Variants in DLG1 observed in about 807,000 individuals in gnomAD.
The protein encoded by DLG1 is discs large MAGUK scaffold protein 1.
DLG1 carries 42 observed loss-of-function variants against 123.4 expected under a neutral mutation model. The observed-to-expected ratio is 0.34, with a 90% CI of 0.27 to 0.44. DLG1 has a LOEUF of 0.44. DLG1 is among the 20% of genes least tolerant of loss of function. The pLI, the probability that DLG1 is intolerant of heterozygous loss-of-function variation, is 1.00. For synonymous variants in DLG1, 317 were observed against 356.2 expected, an observed-to-expected ratio of 0.89 and a Z score of 1.24; for missense variants, 942 against 1,082.6, an observed-to-expected ratio of 0.87 and a Z score of 1.82.
At chr3:197,057,709 TG>T (rs1430083002) in intron 23 of DLG1, among the ~76,000 whole-genome samples, 1 of 152,232 alleles carries the variant, frequency 6.6e-6, no homozygotes, top group Non-Finnish European at 1.5e-5. Context: ...TTTTGTGATG[TG>T]TCCAAGCCCT....
At chr3:197,162,456 A>G (rs1371059255) in intron 5 of DLG1, among the ~76,000 whole-genome samples, 1 of 152,188 alleles carries the variant, frequency 6.6e-6, no homozygotes. Flanking sequence ...AAACACTAAA[A>G]TCAAGCAGAT....
rs181966394 is a variant in DLG1 at position 197,071,655 on chromosome 3, A to C, written c.2006-2395T>G. Among the ~76,000 whole-genome samples the C allele has an allele frequency of 1.5e-3, 234 of 152,348 alleles. 1 individual carries two copies. The highest frequency in any genetic ancestry group is 2.7e-3 in the Non-Finnish European group (186 of 68,028). On this transcript the variant is annotated intron_variant, in intron 18 of 24. Coordinates refer to ENST00000667157, the MANE Select transcript of DLG1 (RefSeq NM_001366207.1). Reference sequence around the variant, plus strand: ...CCTCTTCAAAGCATTTTACCAAAGAAGACAGTCAAATAACCAATAAACATA... The same window carrying C: ...CCTCTTCAAAGCATTTTACCAAAGACGACAGTCAAATAACCAATAAACATA...
intron 13 of DLG1, among the ~76,000 whole-genome samples, chr3:197,113,711 A>G (rs964598106): frequency 6.6e-5 from 10 of 152,208 alleles, no homozygotes; most frequent in Non-Finnish European, 1.0e-4. Flanking sequence ...GTATCTTAAA[A>G]TCGTAGCTTT....
chr3:197,166,407 G>A (rs1801430154), intron 5 of DLG1, among the ~76,000 whole-genome samples: 1 of 152,054 alleles, frequency 6.6e-6, no homozygotes, highest in Non-Finnish European at 1.5e-5. Context: ...CACTAAAATT[G>A]GAGGTATTGG....
At chr3:197,150,911 A>G (rs1353086620) in intron 5 of DLG1, among the ~76,000 whole-genome samples, 1 of 152,102 alleles carries the variant, frequency 6.6e-6, no homozygotes, top group East Asian at 1.9e-4. Context: ...AAAAATGAGT[A>G]GCTAATACTT....
chr3:197,150,489 C>T (rs1793325254), intron 5 of DLG1, among the ~76,000 whole-genome samples: 1 of 151,958 alleles, frequency 6.6e-6, no homozygotes, highest in Non-Finnish European at 1.5e-5. Flanking sequence ...GAATAAAATG[C>T]AATAACAAAT....
At chr3:197,268,631 C>G (rs1055445614) in intron 4 of DLG1, among the ~76,000 whole-genome samples, 8 of 151,840 alleles carry the variant, frequency 5.3e-5, no homozygotes, top group Non-Finnish European at 8.8e-5. Context: ...GCTGCCCAGG[C>G]TGATCTATAC....
intron 4 of DLG1, among the ~76,000 whole-genome samples, chr3:197,228,519 CT>C (rs1741149815): frequency 6.6e-6 from 1 of 152,122 alleles, no homozygotes; most frequent in Non-Finnish European, 1.5e-5. Flanking sequence ...TGTTTCTTGT[CT>C]GTTTTTTTAG....
chr3:197,192,025 A>G (rs1458634555), intron 5 of DLG1, among the ~76,000 whole-genome samples: 1 of 152,006 alleles, frequency 6.6e-6, no homozygotes, highest in Non-Finnish European at 1.5e-5. Flanking sequence ...AACAAAAAAA[A>G]TAGCCAAGCA....
At chr3:197,123,126 C>T (rs553649930) in intron 11 of DLG1, among the ~76,000 whole-genome samples, 1 of 152,056 alleles carries the variant, frequency 6.6e-6, no homozygotes, top group Non-Finnish European at 1.5e-5. Flanking sequence ...ATTAAAAAAT[C>T]TCTCATTACA....
intron 18 of DLG1, among the ~76,000 whole-genome samples, chr3:197,074,214 G>A (rs945426413): frequency 1.3e-5 from 2 of 152,068 alleles, no homozygotes; most frequent in Admixed American, 1.3e-4. Flanking sequence ...TGATGATCAA[G>A]TTACCAGGTG....
chr3:197,049,351 C>T (rs1309282907), intron 24 of DLG1, among the ~76,000 whole-genome samples: 3 of 152,112 alleles, frequency 2.0e-5, no homozygotes, highest in Non-Finnish European at 4.4e-5. Flanking sequence ...CCAACAACAA[C>T]AAAAAGAAAA....
chr3:197,263,906 A>G (rs931850824), intron 4 of DLG1, among the ~76,000 whole-genome samples: 7 of 152,238 alleles, frequency 4.6e-5, no homozygotes, highest in African/African-American at 1.7e-4. Flanking sequence ...CCTTTCTAAT[A>G]TTTAAACTAT....
At position 197,263,188 on chromosome 3, in the gene DLG1, G is replaced by A. The variant is rs184068260; in HGVS notation, c.318+19491C>T. On this transcript the variant is annotated intron_variant, in intron 4 of 24. Coordinates refer to ENST00000667157, the MANE Select transcript of DLG1 (RefSeq NM_001366207.1). ...TACCTGGTTGCTCTCTTAGTATTCT[G>A]AAGTTTCTCTTGTGAAATTTTTATC... Among the ~76,000 whole-genome samples, 64 of 152,312 alleles carry A rather than the reference G, an allele frequency of 4.2e-4. No individual in the cohort carries two copies. The East Asian group carries it at 0.01, about 24-fold the overall frequency.
intron 5 of DLG1, among the ~76,000 whole-genome samples, chr3:197,161,281 T>C (rs987885617): frequency 2.6e-5 from 4 of 152,156 alleles, no homozygotes; most frequent in East Asian, 1.9e-4. Context: ...AAATGATACA[T>C]TGGTACAAGA....
intron 6 of DLG1, among the ~76,000 whole-genome samples, chr3:197,144,299 A>G (rs775866469): frequency 1.3e-5 from 2 of 152,174 alleles, no homozygotes; most frequent in Non-Finnish European, 2.9e-5. Flanking sequence ...CAGCAGCTAT[A>G]ACATGAGTAA....
intron 5 of DLG1, among the ~76,000 whole-genome samples, chr3:197,164,474 C>G (rs1021251545): frequency 3.9e-5 from 6 of 152,002 alleles, no homozygotes; most frequent in African/African-American, 1.2e-4. Flanking sequence ...TTTTAAAAGC[C>G]TATGTTTTAA....
intron 14 of DLG1, among the ~76,000 whole-genome samples, chr3:197,093,320 A>T (rs1396747534): frequency 6.6e-6 from 1 of 152,078 alleles, no homozygotes; most frequent in East Asian, 1.9e-4. Flanking sequence ...TAACATGCCC[A>T]GCTAATTTTT....
At chr3:197,207,014 G>C (rs1421671928) in intron 4 of DLG1, among the ~76,000 whole-genome samples, 1 of 152,178 alleles carries the variant, frequency 6.6e-6, no homozygotes, top group African/African-American at 2.4e-5. Flanking sequence ...TGAAGTTGTA[G>C]TGGAACACAG....
Sources: gnomAD v4.1 joint callset for allele counts (sites outside exome capture counted in the v4.1 genomes callset) on GRCh38, gnomAD v4.1.1 for gene constraint, MANE v1.5 for transcripts, NCBI Gene and HGNC (gene_info 2026-07-23, HGNC 2026-07-21) for gene names.